Variants in DDO observed in about 807,000 individuals in gnomAD.
The protein encoded by DDO is D-aspartate oxidase, DDO.
Under a neutral mutation model 16.8 loss-of-function variants are expected in DDO, and 16 were observed. That is an observed-to-expected ratio of 0.95 (90% CI 0.65 to 1.45). DDO has a LOEUF of 1.45. DDO is among the 40% of genes most tolerant of loss of function. The pLI, the probability that DDO is intolerant of heterozygous loss-of-function variation, is 0.00. For synonymous variants in DDO, 180 were observed against 167.2 expected, an observed-to-expected ratio of 1.08 and a Z score of -0.59; for missense variants, 429 against 420.3, an observed-to-expected ratio of 1.02 and a Z score of -0.18.
intron 4 of DDO, among the ~76,000 whole-genome samples, chr6:110,398,690 A>G (rs1463299093): frequency 6.6e-6 from 1 of 152,186 alleles, no homozygotes. Flanking sequence ...TTTCACAGGC[A>G]TTGCTGTGAG....
At chr6:110,405,598 A>G (rs745410304) in intron 3 of DDO, among the ~76,000 whole-genome samples, 5 of 152,184 alleles carry the variant, frequency 3.3e-5, no homozygotes, top group Non-Finnish European at 4.4e-5. Flanking sequence ...ATTTGTAAAT[A>G]TTGGGTTGTT....
Position 110,411,279 on chromosome 6 carries a change from T to G in DDO, c.172+2012A>C, listed in dbSNP as rs902726518. 2.0e-5 allele frequency among the ~76,000 whole-genome samples: 3 copies of G among 152,044 alleles called. No homozygotes were observed. The East Asian group carries it at 5.8e-4, about 29-fold the overall frequency. On this transcript the variant is annotated intron_variant, in intron 2 of 4. Coordinates refer to ENST00000368924, the MANE Select transcript of DDO (RefSeq NM_001372108.2). ...CTGTGCAAACACTCAGAAATTCCCA[T>G]CTGCTGTTCAGGGTCCACTCATAAA...
At position 110,408,881 on chromosome 6, in the gene DDO, A is replaced by G. The variant is rs566468768; in HGVS notation, c.173-439T>C. 5.3e-5 allele frequency among the ~76,000 whole-genome samples: 8 copies of G among 152,358 alleles called. No individual in the cohort carries two copies. The East Asian group carries it at 1.4e-3, about 26-fold the overall frequency. On this transcript the variant is annotated intron_variant, in intron 2 of 4. Coordinates refer to ENST00000368924, the MANE Select transcript of DDO (RefSeq NM_001372108.2). ...GGCCTCTTTCTTGGGGGCTGAAAAC[A>G]TAGTGGATGACATGGGCAGGTCTGT...
At chr6:110,409,776 C>G (rs978236356) in intron 2 of DDO, among the ~76,000 whole-genome samples, 1 of 152,152 alleles carries the variant, frequency 6.6e-6, no homozygotes, top group African/African-American at 2.4e-5. Flanking sequence ...ACAATCTATG[C>G]CACTGTGTGA....
downstream of DDO, chr6:110,388,781 T>A: frequency 1.0e-6 from 1 of 982,226 alleles, no homozygotes. Flanking sequence ...AAAGCAGAGA[T>A]TTAAGAAGGA....
chr6:110,393,105 G>T lies in DDO; in HGVS notation c.696C>A (p.Thr232=). The T allele has an allele frequency of 6.2e-7, 1 of 1,613,868 alleles. No individual in the cohort carries two copies. ...TYIYPGTSHV[T]LGGTRQKGDW... ...CCCCTTTTTGCCTAGTTCCACCTAG[G>T]GTTACATGGGATGTACCAGGATAAA... is the stretch of plus-strand genomic sequence containing the variant. Residue 232 remains threonine, a synonymous_variant, in exon 5 of 5, where the codon ACC becomes ACA. Transcript: ENST00000368924.
rs1234884651 is a variant in DDO, at chr6:110,392,372, C to T, written c.*403G>A. On this transcript the variant is annotated 3_prime_UTR_variant, in exon 5 of 5. Coordinates refer to ENST00000368924, the MANE Select transcript of DDO (RefSeq NM_001372108.2). ...ACATTCATATAAATCTGCATAGGTC[C>T]TTGGACATCAGTTCTAAATAAATTT... The T allele has an allele frequency of 3.7e-5, 37 of 989,728 alleles. No homozygotes were observed. Among genetic ancestry groups the T allele is most frequent in the Non-Finnish European group, 4.2e-5 (35 of 833,186 alleles). The allele number at this position is 989,728 out of a possible 1,614,324, so 61.3% of individuals were successfully genotyped here. A position where few individuals can be genotyped will look rare whatever the true frequency, so the allele number is the denominator to read the frequency against.
At chr6:110,391,306 G>A (rs1429292522), downstream of DDO, among the ~76,000 whole-genome samples, 1 of 150,690 alleles carries the variant, frequency 6.6e-6, no homozygotes, top group Non-Finnish European at 1.5e-5. Context: ...TTTAACAGAA[G>A]TCGTCTTCCC....
downstream of DDO, among the ~76,000 whole-genome samples, chr6:110,391,350 C>T (rs1276420596): frequency 1.0e-5 from 1 of 96,306 alleles, no homozygotes; most frequent in Non-Finnish European, 2.0e-5. Flanking sequence ...TCTCCTCAAG[C>T]CTTTTTTTTT....
At position 110,408,229 on chromosome 6, in the gene DDO, C is replaced by T. The variant is rs1773723000; in HGVS notation, c.281+105G>A. The T allele has an allele frequency of 5.8e-6, 6 of 1,038,536 alleles. No individual in the cohort carries two copies. The East Asian group carries it at 1.5e-4, about 25-fold the overall frequency. The allele number at this position is 1,038,536 out of a possible 1,614,324, so 64.3% of individuals were successfully genotyped here. A position where few individuals can be genotyped will look rare whatever the true frequency, so the allele number is the denominator to read the frequency against. ...TTTCCGAATCCTCCTGCATCTAAGT[C>T]AGCACTCTGCTCACAACAGCTACTC... On this transcript the variant is annotated intron_variant, in intron 3 of 4. Transcript: ENST00000368924.
At chr6:110,409,767 C>T (rs1437267219) in intron 2 of DDO, among the ~76,000 whole-genome samples, 1 of 152,204 alleles carries the variant, frequency 6.6e-6, no homozygotes, top group African/African-American at 2.4e-5. Flanking sequence ...CTTTACCCAA[C>T]AATCTATGCC....
At chr6:110,413,499 G>A in intron 1 of DDO, 33 bp from the exon 2 acceptor site, 1 of 1,591,836 alleles carries the variant, frequency 6.3e-7, no homozygotes, top group Non-Finnish European at 8.6e-7. Context: ...TATACCCCTT[G>A]TTTTAAGGAT....
At chr6:110,406,289 G>A (rs535203150) in intron 3 of DDO, among the ~76,000 whole-genome samples, 1 of 151,822 alleles carries the variant, frequency 6.6e-6, no homozygotes, top group Non-Finnish European at 1.5e-5. Flanking sequence ...ACACATGCAC[G>A]CATGCATGCA....
chr6:110,393,106 G>T lies in DDO; in HGVS notation c.695C>A (p.Thr232Asn). The change falls in exon 5 of 5, where the codon ACC becomes AAC. Residue 232 changes from threonine to asparagine, a missense_variant. Physicochemically the swap from Thr to Asn is moderately conservative, Grantham distance 65 (BLOSUM62 0). Transcript: ENST00000368924. ...TYIYPGTSHV[T>N]LGGTRQKGDW... ...CCCTTTTTGCCTAGTTCCACCTAGG[G>T]TTACATGGGATGTACCAGGATAAAT... 6.2e-7 allele frequency: 1 copy of T among 1,613,896 alleles called. No individual in the cohort carries two copies.
intron 4 of DDO, among the ~76,000 whole-genome samples, chr6:110,399,246 T>G (rs1252574982): frequency 2.0e-5 from 3 of 152,270 alleles, no homozygotes; most frequent in Non-Finnish European, 2.9e-5. Context: ...AATAAAGATC[T>G]AATTTGTAGC....
intron 4 of DDO, among the ~76,000 whole-genome samples, chr6:110,400,344 G>GGGT (rs1554220572): frequency 1.1e-5 from 1 of 87,212 alleles, no homozygotes; most frequent in African/African-American, 6.3e-5. Context: ...GGAGCGGGCC[G>GGGT]GGGCGGGGAC....
intron 3 of DDO, among the ~76,000 whole-genome samples, chr6:110,405,871 C>T (rs1327339368): frequency 6.6e-6 from 1 of 151,884 alleles, no homozygotes; most frequent in Non-Finnish European, 1.5e-5. Flanking sequence ...CCATTGCGCT[C>T]CAGCCTAGAC....
chr6:110,395,451 A>G (rs536972007), intron 4 of DDO, among the ~76,000 whole-genome samples: 3 of 151,340 alleles, frequency 2.0e-5, no homozygotes, highest in African/African-American at 7.3e-5. Flanking sequence ...TACACATCCT[A>G]TTCATTCTTT....
chr6:110,410,273 A>G (rs1337812848), intron 2 of DDO, among the ~76,000 whole-genome samples: 4 of 152,244 alleles, frequency 2.6e-5, no homozygotes, highest in East Asian at 1.9e-4. Context: ...CGATGGCCCT[A>G]TGAGCCCTCA....
Sources: gnomAD v4.1 joint callset for allele counts (sites outside exome capture counted in the v4.1 genomes callset) on GRCh38, gnomAD v4.1.1 for gene constraint, MANE v1.5 for transcripts, NCBI Gene and HGNC (gene_info 2026-07-23, HGNC 2026-07-21) for gene names.